METTL16: variants seen among roughly 807,000 people sequenced by gnomAD.
The protein encoded by METTL16 is methyltransferase 16, RNA N6-adenosine, also known as RNA N(6)-adenosine-methyltransferase METTL16.
A neutral mutation model predicts 57.9 loss-of-function variants in METTL16; 19 were observed. That is an observed-to-expected ratio of 0.33 (90% CI 0.23 to 0.48). The LOEUF (loss-of-function observed/expected upper bound fraction) is 0.48, where lower values mean the gene tolerates loss of function less well. METTL16 is among the 20% of genes least tolerant of loss of function. The pLI is 0.99. For synonymous variants in METTL16, 246 were observed against 255.6 expected (o/e 0.96, Z 0.36); for missense variants, 434 against 691.5 (o/e 0.63, Z 4.18).
chr17:2,420,946 C>G lies in METTL16; in HGVS notation c.889-42G>C. 1 of 1,595,094 alleles carries G rather than the reference C, an allele frequency of 6.3e-7. No homozygotes were observed. On this transcript the variant is annotated intron_variant, in intron 8 of 9. Transcript: ENST00000263092. The surrounding 1 kb of genome is among the most constrained non-coding windows in gnomAD (Gnocchi z 5.4). Reference sequence around the variant, plus strand: ...GCATAGAAAAGAGAAGAAAGTTATCCGAATAATTAAACCTCATGCATTGTA... The same window carrying G: ...GCATAGAAAAGAGAAGAAAGTTATCGGAATAATTAAACCTCATGCATTGTA...
At chr17:2,439,758 T>C (rs1207522016) in intron 7 of METTL16, among the ~76,000 whole-genome samples, 1 of 152,064 alleles carries the variant, frequency 6.6e-6, no homozygotes, top group Non-Finnish European at 1.5e-5. Flanking sequence ...TCTCTATAAT[T>C]GTCAAAAAAG....
At chr17:2,448,801 TTA>T (rs1491516668) in intron 6 of METTL16, among the ~76,000 whole-genome samples, 174 of 47,384 alleles carry the variant, frequency 3.7e-3, no homozygotes, top group African/African-American at 0.032. Flanking sequence ...AAAATAAAAT[TTA>T]AAAAAAAAAA....
In METTL16 at chr17:2,419,493, T is replaced by C. The variant is rs572245200; in HGVS notation, c.*477A>G. 2 of 384,968 alleles carry C rather than the reference T, an allele frequency of 5.2e-6. No homozygotes were observed. Among genetic ancestry groups the C allele is most frequent in the African/African-American group, 2.1e-5 (1 of 47,642 alleles). 23.8% of individuals were successfully genotyped at this position (384,968 alleles called of 1,614,324 possible). A position where few individuals can be genotyped will look rare whatever the true frequency, so the allele number is the denominator to read the frequency against. On this transcript the variant is annotated 3_prime_UTR_variant, in exon 10 of 10. Transcript: ENST00000263092. Reference sequence around the variant, plus strand: ...CATACAGCTCCCTTTGTGGGATTGATGCAAGGTAGGCCCCATCTTGAAGAG... The same window carrying C: ...CATACAGCTCCCTTTGTGGGATTGACGCAAGGTAGGCCCCATCTTGAAGAG...
intron 1 of METTL16, among the ~76,000 whole-genome samples, chr17:2,510,443 C>T (rs1376492890): frequency 1.3e-5 from 2 of 152,188 alleles, no homozygotes; most frequent in Non-Finnish European, 2.9e-5. Context: ...ACATAGCTGA[C>T]ATCAGTGCAC....
chr17:2,448,758 AAAAAAAATAAAAAAT>A (rs2067038738), intron 6 of METTL16, among the ~76,000 whole-genome samples: 1 of 119,380 alleles, frequency 8.4e-6, no homozygotes, highest in Non-Finnish European at 1.6e-5. Flanking sequence ...AAAATAAAAT[AAAAAAAATAAAAAAT>A]AAAAAAATAA....
At chr17:2,449,996 A>C (rs1187865778) in intron 6 of METTL16, among the ~76,000 whole-genome samples, 2 of 152,192 alleles carry the variant, frequency 1.3e-5, no homozygotes, top group African/African-American at 4.8e-5. Context: ...ACAGTACCAA[A>C]TGGTGTCAAC....
At position 2,438,150 on chromosome 17, in the gene METTL16, A is replaced by G. The variant is rs965452480; in HGVS notation, c.847T>C (p.Trp283Arg). Residue 283 changes from tryptophan (W) to arginine (R), a missense_variant, in exon 8 of 10, where the codon TGG becomes CGG. By Grantham distance (101) the Trp-to-Arg change is moderately radical. Around this residue, in one of 5 missense-constraint regions of METTL16, gnomAD observed 96 missense variants for 138.3 expected, o/e 0.69. Coordinates refer to ENST00000263092, the MANE Select transcript of METTL16 (RefSeq NM_024086.4). ...TEFCQGRTMR[W>R]ALAWSFYDDV... ...TCATAAAAACTCCAAGCTAAGGCCCATCTCATTGTCCGACCTTGACAGAAT... is the reference window on the plus strand; with the variant it reads ...TCATAAAAACTCCAAGCTAAGGCCCGTCTCATTGTCCGACCTTGACAGAAT... The G allele has an allele frequency of 6.2e-7, 1 of 1,613,848 alleles. No homozygotes were observed. Among genetic ancestry groups the G allele is most frequent in the Non-Finnish European group, 8.5e-7 (1 of 1,179,840 alleles).
At chr17:2,447,450 G>A (rs2067010383) in intron 6 of METTL16, among the ~76,000 whole-genome samples, 1 of 116,250 alleles carries the variant, frequency 8.6e-6, no homozygotes, top group African/African-American at 4.0e-5. Flanking sequence ...GAGGGAGGTG[G>A]GGGGGGTCAG....
chr17:2,476,033 A>G (rs1055363128), intron 3 of METTL16, among the ~76,000 whole-genome samples: 1 of 152,246 alleles, frequency 6.6e-6, no homozygotes. Flanking sequence ...GGAGAGAAGT[A>G]GATGATTTCA....
At chr17:2,494,064 T>G (rs1168304763) in intron 2 of METTL16, among the ~76,000 whole-genome samples, 1 of 152,218 alleles carries the variant, frequency 6.6e-6, no homozygotes, top group African/African-American at 2.4e-5. Flanking sequence ...CTTTTTGTTT[T>G]TGACAGAGTC....
intron 2 of METTL16, among the ~76,000 whole-genome samples, chr17:2,480,354 A>T (rs1046339436): frequency 2.6e-5 from 4 of 152,168 alleles, no homozygotes; most frequent in African/African-American, 9.6e-5. Context: ...ACCTCTAAGA[A>T]TGCTTCCAGA....
intron 8 of METTL16, among the ~76,000 whole-genome samples, chr17:2,427,613 CTTT>C (rs1348178388): frequency 6.6e-6 from 1 of 151,952 alleles, no homozygotes; most frequent in Non-Finnish European, 1.5e-5. Context: ...GCATGGGATT[CTTT>C]TATTTTTTTA....
intron 2 of METTL16, among the ~76,000 whole-genome samples, chr17:2,495,271 CT>C (rs1271912509): frequency 6.6e-6 from 1 of 151,990 alleles, no homozygotes; most frequent in Non-Finnish European, 1.5e-5. Flanking sequence ...GTTGAGGCTA[CT>C]GTGAGCCACA....
chr17:2,477,412 A>T, intron 3 of METTL16: 1 of 305,084 alleles, frequency 3.3e-6, no homozygotes, highest in African/African-American at 2.1e-5. Context: ...TTTTTTTCAG[A>T]TTTTGAAATA....
intron 2 of METTL16, among the ~76,000 whole-genome samples, chr17:2,492,074 G>A (rs912927479): frequency 7.9e-5 from 12 of 151,294 alleles, no homozygotes; most frequent in South Asian, 2.1e-4. Context: ...AGCCGGGCGT[G>A]GTGGCGGGTG....
chr17:2,499,327 A>AT (rs2067470510), intron 2 of METTL16, among the ~76,000 whole-genome samples: 1 of 146,508 alleles, frequency 6.8e-6, no homozygotes, highest in African/African-American at 2.6e-5. Flanking sequence ...TGACAAAACT[A>AT]TATCTTTTTT....
rs528914994 is a variant in METTL16 at position 2,500,210 on chromosome 17, G to A, written c.128+1994C>T. Among the ~76,000 whole-genome samples, 4 of 152,304 alleles carry A rather than the reference G, an allele frequency of 2.6e-5. No individual in the cohort carries two copies. In the South Asian group the frequency reaches 6.2e-4, roughly 24 times the overall value. ...GCCTCCATTTCTAAAGCTATAAGAA[G>A]AGGGCTTAGAGTAAAGAAGAGGTGA... On this transcript the variant is annotated intron_variant, in intron 2 of 9. Coordinates refer to ENST00000263092, the MANE Select transcript of METTL16 (RefSeq NM_024086.4).
At chr17:2,441,181 T>TA (rs2066948744) in intron 7 of METTL16, among the ~76,000 whole-genome samples, 1 of 152,160 alleles carries the variant, frequency 6.6e-6, no homozygotes, top group South Asian at 2.1e-4. Context: ...GCCATTATCT[T>TA]AAGTGAAACA....
Position 2,419,984 on chromosome 17 carries a change from C to G in METTL16, c.1675G>C (p.Val559Leu). 6.2e-7 allele frequency: 1 copy of G among 1,614,150 alleles called. No homozygotes were observed. The highest frequency in any genetic ancestry group is 1.6e-4 in the Middle Eastern group (1 of 6,062). Residue 559 changes from valine (V) to leucine (L), a missense_variant, in exon 10 of 10, where the codon GTT (valine) becomes CTT (leucine). By Grantham distance (32) the Val-to-Leu change is conservative. This residue lies in a region of METTL16 where 26 missense variants were observed against 60.7 expected (regional missense o/e 0.43). Coordinates refer to ENST00000263092, the MANE Select transcript of METTL16 (RefSeq NM_024086.4). ...TYIRNQIFRL[V>L]AVN is the part of the protein sequence containing the mutation. ...GCAGGAGGTTTCTAGTTAACTGCAA[C>G]AAGCCTGAAAATTTGGTTACGTATG...
Sources: allele counts gnomAD v4.1 joint callset (sites outside exome capture counted in the v4.1 genomes callset), GRCh38; gene constraint gnomAD v4.1.1; regional missense constraint gnomAD v4.1.1; non-coding constraint Gnocchi (gnomAD v3.1); transcripts MANE v1.5; gene names NCBI Gene and HGNC (gene_info 2026-07-23, HGNC 2026-07-21).